Variants in LSS observed in about 807,000 individuals in gnomAD.
LSS encodes the protein 2,3-epoxysqualene-lanosterol cyclase.
LSS carries 90 observed loss-of-function variants against 110.3 expected under a neutral mutation model. That is an observed-to-expected ratio of 0.82 (90% confidence interval 0.69 to 0.97). LSS has a LOEUF of 0.97. Among genes scored for constraint, LSS ranks in the 50% least tolerant of loss-of-function variants. LSS has a pLI of 0.00. For synonymous variants in LSS, 433 were observed against 400.0 expected, an observed-to-expected ratio of 1.08 and a Z score of -0.98; for missense variants, 927 against 990.0, an observed-to-expected ratio of 0.94 and a Z score of 0.85.
At chr21:46,204,391 T>G (rs1463352230) in intron 17 of LSS, among the ~76,000 whole-genome samples, 1 of 152,046 alleles carries the variant, frequency 6.6e-6, no homozygotes, top group Non-Finnish European at 1.5e-5. Flanking sequence ...TAAGATTTTT[T>G]TTTTTTCAAA....
chr21:46,212,600 C>T (rs1489572189), intron 11 of LSS, among the ~76,000 whole-genome samples: 1 of 152,194 alleles, frequency 6.6e-6, no homozygotes, highest in African/African-American at 2.4e-5. Flanking sequence ...CTCCCAGGCC[C>T]GGCCACACGC....
chr21:46,211,189 T>C (rs2080127034), intron 11 of LSS, among the ~76,000 whole-genome samples: 2 of 152,086 alleles, frequency 1.3e-5, no homozygotes, highest in South Asian at 4.1e-4. Context: ...TGCAGTGGCG[T>C]GATCTCAGCT....
chr21:46,209,576 T>A lies in LSS; in HGVS notation c.1244A>T (p.His415Leu). Residue 415 changes from histidine (H) to leucine (L), a missense_variant, in exon 13 of 22, where the codon CAT becomes CTT. His to Leu is a moderately conservative substitution (Grantham distance 99, BLOSUM62 -3). Coordinates refer to ENST00000397728, the MANE Select transcript of LSS (RefSeq NM_002340.6). This position sits in a 1 kb window ranked among gnomAD's most constrained non-coding sequence, Gnocchi z 4.4. ...PEFSSCLQKA[H>L]EFLRLSQVPD... The stretch of plus-strand genomic sequence containing the variant: ...CACCTGTGAGAGCCTCAGGAACTCA[T>A]GAGCCTTCTGCAGGCAGGACGAAAA... 6.2e-7 allele frequency: 1 copy of A among 1,605,608 alleles called. No homozygotes were observed. The highest frequency in any genetic ancestry group is 8.5e-7 in the Non-Finnish European group (1 of 1,176,670).
In LSS at chr21:46,196,254, G is replaced by T. The variant is rs2079909001; in HGVS notation, c.1684C>A (p.Gln562Lys). Residue 562 changes from glutamine to lysine, a missense_variant, in exon 18 of 22, where the codon CAG (glutamine) becomes AAG (lysine). By Grantham distance (53) the Gln-to-Lys change is moderately conservative (BLOSUM62 1). Transcript: ENST00000397728. ...TGCCGCCGACAGAACTCTAAGCCCT[G>T]CGTGAGGGTCTCCCTGGAACACGAG... ...RAAEIRETLT[Q>K]GLEFCRRQQR... 6.2e-7 allele frequency: 1 copy of T among 1,613,990 alleles called. No homozygotes were observed. The highest frequency in any genetic ancestry group is 1.7e-5 in the Admixed American group (1 of 60,004).
intron 15 of LSS, 149 bp downstream of exon 15, chr21:46,207,279 G>A: frequency 3.1e-6 from 3 of 974,692 alleles, no homozygotes; most frequent in Non-Finnish European, 4.5e-6. Flanking sequence ...AGAGCTCACA[G>A]TTCTCCACAT....
At chr21:46,191,754 G>T in intron 21 of LSS, 127 bp downstream of exon 21, 1 of 751,362 alleles carries the variant, frequency 1.3e-6, no homozygotes, top group Non-Finnish European at 2.3e-6. Context: ...GCATTCACTG[G>T]CAGAGGTGAC....
At position 46,190,026 on chromosome 21, in the gene LSS, T is replaced by G. The variant is rs2079785374; in HGVS notation, c.*1078A>C. The G allele has an allele frequency of 3.4e-6, 1 of 297,596 alleles. No individual in the cohort carries two copies. Among genetic ancestry groups the G allele is most frequent in the Non-Finnish European group, 6.6e-6 (1 of 152,458 alleles). 18.4% of individuals were successfully genotyped at this position (297,596 alleles called of 1,614,324 possible). On this transcript the variant is annotated 3_prime_UTR_variant, in exon 22 of 22. Transcript: ENST00000397728. The surrounding 1 kb of genome is among the most constrained non-coding windows in gnomAD (Gnocchi z 4.6). ...GAAGCCTCGGCCCAAAACCTGGCCC[T>G]CGCTCCAGCCCAGAGCACCCACCTG...
At chr21:46,193,601 G>A (rs1383964607) in intron 20 of LSS, 2 of 427,022 alleles carry the variant, frequency 4.7e-6, no homozygotes, top group African/African-American at 2.3e-5. Context: ...ACAGGTGCCT[G>A]TGCATGCGTA....
intron 8 of LSS, 46 bp from the exon 9 acceptor site, chr21:46,215,344 C>G (rs774548422): frequency 1.5e-6 from 2 of 1,355,670 alleles, no homozygotes; most frequent in Non-Finnish European, 2.1e-6. Flanking sequence ...ATGACACTGG[C>G]CTCAGCCTGG....
intron 17 of LSS, among the ~76,000 whole-genome samples, chr21:46,205,387 T>C (rs1175573858): frequency 6.6e-6 from 1 of 152,150 alleles, no homozygotes; most frequent in African/African-American, 2.4e-5. Flanking sequence ...ACCCACGACC[T>C]GGCAGGCATG....
chr21:46,224,605 G>C (rs948637923), intron 3 of LSS: 2 of 152,072 alleles, frequency 1.3e-5, no homozygotes, highest in Non-Finnish European at 2.9e-5. Context: ...TTAGGACGGG[G>C]AAATGTGCAG....
chr21:46,219,677 TC>T, intron 5 of LSS, 105 bp from the exon 6 acceptor site: 1 of 629,504 alleles, frequency 1.6e-6, no homozygotes, highest in Non-Finnish European at 2.6e-6. Flanking sequence ...TGTGCCCCTC[TC>T]CATGAGGCAA....
rs2079969500 is a variant in LSS, at chr21:46,200,897, C to A, written c.1671-4630G>T. 2.6e-5 allele frequency among the ~76,000 whole-genome samples: 4 copies of A among 152,214 alleles called. No homozygotes were observed. In the South Asian group the frequency reaches 8.3e-4, roughly 32 times the overall value. On this transcript the variant is annotated intron_variant, in intron 17 of 21. Coordinates refer to ENST00000397728, the MANE Select transcript of LSS (RefSeq NM_002340.6). ...TGACTTACACTTGCACAAAAGAATA[C>A]ACCTGCTAAGAAATACTCAGGCAGT...
At chr21:46,217,151 G>A (rs892087442) in intron 6 of LSS, among the ~76,000 whole-genome samples, 5 of 150,908 alleles carry the variant, frequency 3.3e-5, no homozygotes, top group Non-Finnish European at 5.9e-5. Context: ...GGAGGCTGAG[G>A]CAGGAGAATC....
At position 46,215,166 on chromosome 21, in the gene LSS, G is replaced by A. The variant is rs770848454; in HGVS notation, c.1011+14C>T. On this transcript the variant is annotated intron_variant, in intron 9 of 21. Coordinates refer to ENST00000397728, the MANE Select transcript of LSS (RefSeq NM_002340.6). The stretch of plus-strand genomic sequence containing the variant: ...CCCAGGGGCTGCAGTCAGAGGCCGG[G>A]CAGGGGCACTGACCGGGCCGATGCT... 9 of 1,602,308 alleles carry A rather than the reference G, an allele frequency of 5.6e-6. No individual in the cohort carries two copies. In the South Asian group the frequency reaches 8.8e-5, roughly 16 times the overall value.
Position 46,215,672 on chromosome 21 carries a change from A to G in LSS, c.892+13T>C, listed in dbSNP as rs1381288295. 6.3e-7 allele frequency: 1 copy of G among 1,585,930 alleles called. No homozygotes were observed. ...CCCTGGGCTGCCCTGCCGGCCCCTC[A>G]GGAGGCGCTCACCATATACCACGCG... On this transcript the variant is annotated intron_variant, in intron 8 of 21. Coordinates refer to ENST00000397728, the MANE Select transcript of LSS (RefSeq NM_002340.6).
chr21:46,222,763 C>T, intron 3 of LSS, 25 bp from the exon 4 acceptor site: 1 of 1,571,582 alleles, frequency 6.4e-7, no homozygotes, highest in Non-Finnish European at 8.7e-7. Flanking sequence ...AGATGTTCCT[C>T]ACTGGGGACA....
rs1171621434 is a variant in LSS at position 46,213,763 on chromosome 21, C to T, written c.1084G>A (p.Val362Ile). ...GPASTAFQEH[V>I]SRIPDYLWMG... ...CAGAGATAGTCCGGGATTCTGGAGA[C>T]ATGCTCCTGGAAGGCAGTGGAGGCG... Residue 362 changes from valine to isoleucine, a missense_variant, in exon 10 of 22, where the codon GTC becomes ATC. Physicochemically the swap from Val to Ile is conservative, Grantham distance 29. Transcript: ENST00000397728. 6.2e-7 allele frequency: 1 copy of T among 1,614,108 alleles called. No individual in the cohort carries two copies. Among genetic ancestry groups the T allele is most frequent in the Admixed American group, 1.7e-5 (1 of 60,016 alleles).
Position 46,216,241 on chromosome 21 carries a change from T to C in LSS, c.783+148A>G, listed in dbSNP as rs1452496799. ...AGCTTGCTCACTGTTTATTATAGGA[T>C]GGAGGAAGGTGGAGGCTCTGCTCCA... On this transcript the variant is annotated intron_variant, in intron 7 of 21. Transcript: ENST00000397728. The surrounding 1 kb of genome is among the most constrained non-coding windows in gnomAD (Gnocchi z 4.2). 4.3e-6 allele frequency: 4 copies of C among 928,152 alleles called. No individual in the cohort carries two copies. The highest frequency in any genetic ancestry group is 4.1e-5 in the Admixed American group (2 of 49,292). The allele number at this position is 928,152 out of a possible 1,614,324, so 57.5% of individuals were successfully genotyped here. A position where few individuals can be genotyped will look rare whatever the true frequency, so the allele number is the denominator to read the frequency against.
Sources: gnomAD v4.1 joint callset for allele counts (sites outside exome capture counted in the v4.1 genomes callset) on GRCh38, gnomAD v4.1.1 for gene constraint, Gnocchi (gnomAD v3.1) non-coding constraint, MANE v1.5 for transcripts, NCBI Gene and HGNC (gene_info 2026-07-23, HGNC 2026-07-21) for gene names.